The following GLRA3 variants were observed in gnomAD, a reference collection of about 807,000 sequenced individuals.
The protein encoded by GLRA3 is glycine receptor subunit alpha-3.
In GLRA3, 44 loss-of-function variants were observed where a neutral mutation model predicts 60.4. The ratio of observed to expected loss-of-function variants is 0.73; its 90% CI spans 0.57 to 0.94. The LOEUF is 0.94. GLRA3 is among the 40% of genes least tolerant of loss of function. The pLI, the probability that GLRA3 is intolerant of heterozygous loss-of-function variation, is 0.00. For missense variants in GLRA3, 508 were observed against 564.6 expected, an observed-to-expected ratio of 0.90 and a Z score of 1.02; for synonymous variants, 223 against 192.9, an observed-to-expected ratio of 1.16 and a Z score of -1.29.
chr4:174,825,747 T>C (rs1467344511), intron 1 of GLRA3, among the ~76,000 whole-genome samples: 1 of 152,124 alleles, frequency 6.6e-6, no homozygotes, highest in Non-Finnish European at 1.5e-5. Flanking sequence ...AAAAACTTTT[T>C]TGTAAATATT....
At chr4:174,784,956 G>A (rs1382897514) in intron 2 of GLRA3, among the ~76,000 whole-genome samples, 1 of 151,966 alleles carries the variant, frequency 6.6e-6, no homozygotes, top group Non-Finnish European at 1.5e-5. Context: ...TCAGTGAAAA[G>A]GAAAGATAAT....
chr4:174,648,172 T>C (rs1360587873), intron 9 of GLRA3, among the ~76,000 whole-genome samples: 1 of 152,118 alleles, frequency 6.6e-6, no homozygotes, highest in African/African-American at 2.4e-5. Flanking sequence ...TATAAATCTA[T>C]GTTGAGGACT....
chr4:174,791,970 A>G (rs1260252751), intron 1 of GLRA3, among the ~76,000 whole-genome samples: 3 of 152,188 alleles, frequency 2.0e-5, no homozygotes, highest in Non-Finnish European at 4.4e-5. Flanking sequence ...CTACTAATTG[A>G]ACATGGATTT....
At chr4:174,677,036 A>AGT in intron 7 of GLRA3, 42 bp downstream of exon 7, 1 of 1,171,084 alleles carries the variant, frequency 8.5e-7, no homozygotes, top group East Asian at 2.3e-5. Flanking sequence ...AAGATTTATA[A>AGT]GTGTGTGTGC....
At chr4:174,819,971 C>T (rs149672965) in intron 1 of GLRA3, among the ~76,000 whole-genome samples, 472 of 152,262 alleles carry the variant, frequency 3.1e-3, no homozygotes, top group Admixed American at 4.7e-3. Context: ...TTTAAAGATA[C>T]ACCTCATATA....
At chr4:174,705,635 T>C (rs1198704239) in intron 5 of GLRA3, among the ~76,000 whole-genome samples, 1 of 140,220 alleles carries the variant, frequency 7.1e-6, no homozygotes, top group Non-Finnish European at 1.6e-5. Flanking sequence ...ACAACCAACT[T>C]GATGTTTTCT....
intron 7 of GLRA3, among the ~76,000 whole-genome samples, chr4:174,673,158 C>A (rs1358837899): frequency 6.6e-6 from 1 of 151,952 alleles, no homozygotes; most frequent in Non-Finnish European, 1.5e-5. Flanking sequence ...TTGTTGAAAT[C>A]ATAAAATAAA....
At chr4:174,732,974 G>C (rs189981951) in intron 3 of GLRA3, among the ~76,000 whole-genome samples, 11 of 152,226 alleles carry the variant, frequency 7.2e-5, no homozygotes, top group Admixed American at 7.2e-4. Context: ...TTAGCTCTAA[G>C]TCTAGGTAAA....
intron 3 of GLRA3, among the ~76,000 whole-genome samples, chr4:174,756,727 C>A (rs1356754026): frequency 6.6e-6 from 1 of 150,664 alleles, no homozygotes; most frequent in Non-Finnish European, 1.5e-5. Context: ...TCACTGCAAG[C>A]TCCGCCTCCC....
At chr4:174,666,744 A>ATG in intron 7 of GLRA3, among the ~76,000 whole-genome samples, 1 of 68,566 alleles carries the variant, frequency 1.5e-5, no homozygotes, top group South Asian at 5.9e-4. Flanking sequence ...ATAAGAATAT[A>ATG]TATATATATA....
chr4:174,651,641 G>A (rs1733023674), intron 9 of GLRA3, among the ~76,000 whole-genome samples: 1 of 152,064 alleles, frequency 6.6e-6, no homozygotes. Context: ...TTCTCCAGGT[G>A]GCCTTGCATT....
At chr4:174,691,524 C>T (rs777911280) in intron 5 of GLRA3, among the ~76,000 whole-genome samples, 44 of 152,168 alleles carry the variant, frequency 2.9e-4, no homozygotes, top group Non-Finnish European at 3.5e-4. Flanking sequence ...CGAGTGCCTG[C>T]GATTGCAGGC....
rs561058705 is a variant in GLRA3, at chr4:174,747,674, A to G, written c.268-18976T>C. On this transcript the variant is annotated intron_variant, in intron 3 of 9. Transcript: ENST00000274093. ...GCTGTGCCTTTGTGATTCATTAGAT[A>G]TTGAGCTTAAGGCAGGAAGAAATAG... Among the ~76,000 whole-genome samples, 19 of 152,192 alleles carry G rather than the reference A, an allele frequency of 1.2e-4. No homozygotes were observed. In the East Asian group the frequency reaches 3.5e-3, roughly 28 times the overall value.
In GLRA3 at chr4:174,676,096, C is replaced by T. The variant is rs765037466; in HGVS notation, c.927+982G>A. On this transcript the variant is annotated intron_variant, in intron 7 of 9. Transcript: ENST00000274093. The stretch of plus-strand genomic sequence containing the variant: ...TAGATGACAGAAACTTCTTCTTAGA[C>T]GTCATTTTAGGGGAAGAAAATAATT... Among the ~76,000 whole-genome samples, 6 of 152,062 alleles carry T rather than the reference C, an allele frequency of 3.9e-5. No homozygotes were observed. In the South Asian group the frequency reaches 8.3e-4, roughly 21 times the overall value.
At chr4:174,709,759 G>A (rs954268271) in intron 5 of GLRA3, among the ~76,000 whole-genome samples, 2 of 152,018 alleles carry the variant, frequency 1.3e-5, no homozygotes, top group Non-Finnish European at 1.5e-5. Context: ...ATATAAACGG[G>A]GCCACATTTT....
intron 3 of GLRA3, among the ~76,000 whole-genome samples, chr4:174,761,698 T>G (rs567159389): frequency 6.6e-6 from 1 of 152,294 alleles, no homozygotes; most frequent in South Asian, 2.1e-4. Context: ...CATTTAAAAA[T>G]ACTGTACTAC....
intron 3 of GLRA3, among the ~76,000 whole-genome samples, chr4:174,750,218 A>G (rs139548961): frequency 1.1e-3 from 163 of 152,278 alleles, no homozygotes; most frequent in African/African-American, 3.8e-3. Context: ...ATGGATTATG[A>G]AACAAAATTT....
At chr4:174,760,870 G>A (rs1400162629) in intron 3 of GLRA3, among the ~76,000 whole-genome samples, 5 of 151,908 alleles carry the variant, frequency 3.3e-5, no homozygotes, top group African/African-American at 1.2e-4. Flanking sequence ...ATGAAATACT[G>A]AAATGAAAAT....
intron 1 of GLRA3, among the ~76,000 whole-genome samples, chr4:174,791,823 A>C (rs1376594595): frequency 6.6e-6 from 1 of 152,178 alleles, no homozygotes; most frequent in African/African-American, 2.4e-5. Context: ...GACTATGGAA[A>C]TCATATTGTC....
Sources: allele counts gnomAD v4.1 joint callset (sites outside exome capture counted in the v4.1 genomes callset), GRCh38; gene constraint gnomAD v4.1.1; transcripts MANE v1.5; gene names NCBI Gene and HGNC (gene_info 2026-07-23, HGNC 2026-07-21).